TP53TG5: variants seen among roughly 807,000 people sequenced by gnomAD.
The protein encoded by TP53TG5 is TP53 target 5, also known as TP53-target gene 5 protein.
Under a neutral mutation model 30.0 loss-of-function variants are expected in TP53TG5, and 17 were observed. The observed-to-expected ratio is 0.57, with a 90% CI of 0.39 to 0.85. The LOEUF is 0.85. Ranked by LOEUF, TP53TG5 falls within the 40% of genes least tolerant of loss-of-function variation. The pLI, the probability that TP53TG5 is intolerant of heterozygous loss-of-function variation, is 0.00. For missense variants in TP53TG5, 338 were observed against 367.9 expected, an observed-to-expected ratio of 0.92 and a Z score of 0.67; for synonymous variants, 137 against 139.2, an observed-to-expected ratio of 0.98 and a Z score of 0.11.
rs1471547349 is a variant in TP53TG5, at chr20:45,377,326, G to A, written c.140C>T (p.Ser47Leu). 2.5e-6 allele frequency: 4 copies of A among 1,613,984 alleles called. No homozygotes were observed. The highest frequency in any genetic ancestry group is 1.7e-4 in the Middle Eastern group (1 of 6,026). The change falls in exon 3 of 5, where the codon TCG (serine) becomes TTG (leucine). Residue 47 changes from serine (S) to leucine (L), a missense_variant. Ser to Leu is a moderately radical substitution (Grantham distance 145). Coordinates refer to ENST00000372726, the MANE Select transcript of TP53TG5 (RefSeq NM_014477.3). ...NRLRTVLKNL[S>L]LLKLLKSSNR... ...TGAGCTCTTGAGTAGCTTCAAGAGC[G>A]ACAAGTTTTTTAACACCTGCCAGGG...
rs773634245 is a variant in TP53TG5, at chr20:45,375,336, A to G, written c.471T>C (p.Pro157=). The G allele has an allele frequency of 3.7e-6, 6 of 1,614,026 alleles. No homozygotes were observed. Among genetic ancestry groups the G allele is most frequent in the Non-Finnish European group, 1.7e-6 (2 of 1,180,044 alleles). ...CATCCCTCGATGTCCTTGGAACCTC[A>G]GGCTCTATATGCTTTTCTTTCCGTG... is the stretch of plus-strand genomic sequence containing the variant. The part of the protein sequence containing the change: ...AMPRKEKHIE[P]EVPRTSRDDS... Residue 157 remains proline, a synonymous_variant, in exon 4 of 5, where the codon CCT becomes CCC. Transcript: ENST00000372726.
chr20:45,377,141 T>C, intron 3 of TP53TG5, 71 bp downstream of exon 3: 1 of 1,568,632 alleles, frequency 6.4e-7, no homozygotes, highest in Non-Finnish European at 8.7e-7. Flanking sequence ...GTTCTCTAAA[T>C]GCCTTAGCAC....
At position 45,377,582 on chromosome 20, in the gene TP53TG5, T is replaced by A. The variant is rs540263651; in HGVS notation, c.80A>T (p.Glu27Val). The A allele has an allele frequency of 6.2e-7, 1 of 1,614,014 alleles. No individual in the cohort carries two copies. The highest frequency in any genetic ancestry group is 1.3e-5 in the African/African-American group (1 of 74,928). The change falls in exon 2 of 5, where the codon GAG becomes GTG. Residue 27 changes from glutamate to valine, a missense_variant. Coordinates refer to ENST00000372726, the MANE Select transcript of TP53TG5 (RefSeq NM_014477.3). ...CTCAATTACTTTGCTCACAGGCTGC[T>A]CTGTCTCGTCCCGCAGTTTCTCATC... Reference protein sequence around the residue: ...MQDEKLRDETEQPVSKVIERN... With the variant: ...MQDEKLRDETVQPVSKVIERN...
intron 4 of TP53TG5, chr20:45,374,725 G>A: frequency 2.2e-6 from 1 of 453,710 alleles, no homozygotes; most frequent in Non-Finnish European, 3.9e-6. Context: ...GTAGGCCTCT[G>A]ACTGTGAGAT....
In TP53TG5 at chr20:45,374,000, G is replaced by C; in HGVS notation, c.780C>G (p.Thr260=). ...TGCTCGCACCTCTGGCTCTCGTCCA[G>C]GTCACATCAACCTGCCAGCAGAAAC... is the stretch of plus-strand genomic sequence containing the variant. ...PMWHPYKVDV[T]WTRARGASRG... is the part of the protein sequence containing the mutation. The change falls in exon 5 of 5, where the codon ACC becomes ACG. Residue 260 remains threonine, a synonymous_variant. Coordinates refer to ENST00000372726, the MANE Select transcript of TP53TG5 (RefSeq NM_014477.3). 6.2e-7 allele frequency: 1 copy of C among 1,613,994 alleles called. No homozygotes were observed. Among genetic ancestry groups the C allele is most frequent in the Non-Finnish European group, 8.5e-7 (1 of 1,180,020 alleles).
intron 3 of TP53TG5, chr20:45,376,510 G>GCTT: frequency 6.6e-6 from 1 of 152,348 alleles, no homozygotes; most frequent in South Asian, 2.1e-4. Flanking sequence ...CTCAGATTCT[G>GCTT]CTTCTGCCTC....
At chr20:45,376,448 C>T (rs1471008361) in intron 3 of TP53TG5, 2 of 152,246 alleles carry the variant, frequency 1.3e-5, no homozygotes, top group Non-Finnish European at 2.9e-5. Context: ...AAGTAGAAGG[C>T]AGTGAAACAG....
chr20:45,377,456 G>A, intron 2 of TP53TG5, 83 bp downstream of exon 2: 1 of 1,608,442 alleles, frequency 6.2e-7, no homozygotes, highest in Non-Finnish European at 8.5e-7. Flanking sequence ...TGGCTCCCCT[G>A]GGCCACTCAG....
At position 45,378,163 on chromosome 20, in the gene TP53TG5, C is replaced by T. The variant is rs1345512473; in HGVS notation, c.48+26G>A. ...GTTAAGGTCCCCTCTAGGGACTCAC[C>T]CCCAGGGTCTAGTCCCAAGTCTGAC... On this transcript the variant is annotated intron_variant, in intron 1 of 4. Transcript: ENST00000372726. The T allele has an allele frequency of 3.1e-6, 5 of 1,613,882 alleles. No homozygotes were observed. The African/African-American group carries it at 6.7e-5, about 22-fold the overall frequency.
rs377271938 is a variant in TP53TG5 at position 45,377,556 on chromosome 20, G to T, written c.106C>A (p.Arg36=). ...TEQPVSKVIE[R]NRLRTVLKNL... ...CGTCTCACCGTTCTCAGACGGTTCC[G>T]CTCAATTACTTTGCTCACAGGCTGC... The change falls in exon 2 of 5, where the codon CGG becomes AGG. Residue 36 remains arginine, a synonymous_variant. Transcript: ENST00000372726. 6.2e-7 allele frequency: 1 copy of T among 1,614,056 alleles called. No homozygotes were observed. Among genetic ancestry groups the T allele is most frequent in the East Asian group, 2.2e-5 (1 of 44,876 alleles).
chr20:45,377,269 G>T lies in TP53TG5; in HGVS notation c.197C>A (p.Ala66Asp). 1 of 1,614,138 alleles carries T rather than the reference G, an allele frequency of 6.2e-7. No individual in the cohort carries two copies. Among genetic ancestry groups the T allele is most frequent in the South Asian group, 1.1e-5 (1 of 91,082 alleles). Residue 66 changes from alanine (A) to aspartate (D), a missense_variant, in exon 3 of 5, where the codon GCC becomes GAC. Physicochemically the swap from Ala to Asp is moderately radical, Grantham distance 126. Coordinates refer to ENST00000372726, the MANE Select transcript of TP53TG5 (RefSeq NM_014477.3). ...NRRIQELHKLAKRCWHSLLSV... is the reference protein window; with the variant it reads ...NRRIQELHKLDKRCWHSLLSV... ...GAGCAGTGAATGCCAACACCTTTTG[G>T]CCAGCTTATGCAGTTCTTGGATCCG...
At chr20:45,376,896 CCTGT>C (rs1988750321) in intron 3 of TP53TG5, 1 of 245,462 alleles carries the variant, frequency 4.1e-6, no homozygotes, top group Non-Finnish European at 8.0e-6. Context: ...GGAGGAGTAA[CCTGT>C]CTGTCTCAGT....
At chr20:45,374,106 T>C (rs1988643975) in intron 4 of TP53TG5, 95 bp from the exon 5 acceptor site, 1 of 1,183,038 alleles carries the variant, frequency 8.5e-7, no homozygotes, top group Non-Finnish European at 1.2e-6. Flanking sequence ...TGCTGTGGTG[T>C]CTGGTAGGTT....
At chr20:45,374,857 C>T in intron 4 of TP53TG5, 182 bp downstream of exon 4, 2 of 758,112 alleles carry the variant, frequency 2.6e-6, no homozygotes, top group Non-Finnish European at 4.2e-6. Flanking sequence ...TAGTCACTAC[C>T]CTTCTGTATG....
rs899325228 is a variant in TP53TG5, at chr20:45,372,993, A to G, written c.*914T>C. On this transcript the variant is annotated 3_prime_UTR_variant, in exon 5 of 5. Transcript: ENST00000372726. ...TGTCCCAAACTGGAGATCTATCTGCATCGCTGCCCTGACCCCCAATCCCGG... is the reference window on the plus strand; with the variant it reads ...TGTCCCAAACTGGAGATCTATCTGCGTCGCTGCCCTGACCCCCAATCCCGG... 1.3e-5 allele frequency: 2 copies of G among 152,334 alleles called. No individual in the cohort carries two copies. The highest frequency in any genetic ancestry group is 4.8e-5 in the African/African-American group (2 of 41,444). 9.4% of individuals were successfully genotyped at this position (152,334 alleles called of 1,614,324 possible).
Position 45,373,665 on chromosome 20 carries a change from C to T in TP53TG5, c.*242G>A. 7.2e-6 allele frequency: 4 copies of T among 556,898 alleles called. No homozygotes were observed. The highest frequency in any genetic ancestry group is 4.5e-5 in the South Asian group (2 of 44,196). 34.5% of individuals were successfully genotyped at this position (556,898 alleles called of 1,614,324 possible). ...AGGCACTTTGCACCCAGGAAGCACA[C>T]GAGCGCCCTGACTTCACAGAGCGCG... On this transcript the variant is annotated 3_prime_UTR_variant, in exon 5 of 5. Coordinates refer to ENST00000372726, the MANE Select transcript of TP53TG5 (RefSeq NM_014477.3).
At chr20:45,378,127 G>T in intron 1 of TP53TG5, 62 bp downstream of exon 1, 1 of 1,609,792 alleles carries the variant, frequency 6.2e-7, no homozygotes, top group Non-Finnish European at 8.5e-7. Flanking sequence ...CCTTGGCATG[G>T]TGGATTCTTT....
rs1568921454 is a variant in TP53TG5 at position 45,373,973 on chromosome 20, T to G, written c.807A>C (p.Arg269Ser). ...TCAGCTGATGGCGCGATCTCCACCC[T>G]CTGCTCGCACCTCTGGCTCTCGTCC... The part of the protein sequence containing the change: ...VTWTRARGAS[R>S]GWRSRHQLKG... Residue 269 changes from arginine to serine, a missense_variant, in exon 5 of 5, where the codon AGA becomes AGC. Arg to Ser is a moderately radical substitution (Grantham distance 110). Transcript: ENST00000372726. 6.2e-7 allele frequency: 1 copy of G among 1,614,032 alleles called. No individual in the cohort carries two copies. Among genetic ancestry groups the G allele is most frequent in the Non-Finnish European group, 8.5e-7 (1 of 1,179,986 alleles).
Position 45,375,507 on chromosome 20 carries a change from G to A in TP53TG5, c.300C>T (p.Phe100=). Residue 100 remains phenylalanine, a synonymous_variant, in exon 4 of 5, where the codon TTC becomes TTT. Coordinates refer to ENST00000372726, the MANE Select transcript of TP53TG5 (RefSeq NM_014477.3). The stretch of plus-strand genomic sequence containing the variant: ...CCTTCTCGGAGCACCCGATCTCCTG[G>A]AACTCTTCATTATTTTGTTTTGTTT... ...CNKTKQNNEE[F]QEIGCSEKEL... 1.3e-6 allele frequency: 2 copies of A among 1,574,658 alleles called. No homozygotes were observed. Among genetic ancestry groups the A allele is most frequent in the Non-Finnish European group, 1.7e-6 (2 of 1,156,346 alleles).
Sources: gnomAD v4.1 joint callset for allele counts on GRCh38, gnomAD v4.1.1 for gene constraint, MANE v1.5 for transcripts, NCBI Gene and HGNC (gene_info 2026-07-23, HGNC 2026-07-21) for gene names.